The following PPARGC1A variants were observed in gnomAD, a reference collection of about 807,000 sequenced individuals.
PPARGC1A encodes PPARG coactivator 1 alpha, also known as peroxisome proliferator-activated receptor gamma coactivator 1-alpha.
A neutral mutation model predicts 88.7 loss-of-function variants in PPARGC1A; 25 were observed. The observed-to-expected ratio is 0.28, with a 90% CI of 0.21 to 0.39. The LOEUF is 0.39. Ranked by LOEUF, PPARGC1A falls within the 10% of genes least tolerant of loss-of-function variation. The probability of loss-of-function intolerance (pLI) is 1.00; values close to 1 mark genes in which losing one functional copy is unlikely to be tolerated. For missense variants in PPARGC1A, 880 were observed against 968.7 expected, an observed-to-expected ratio of 0.91 and a Z score of 1.22; for synonymous variants, 363 against 355.6, an observed-to-expected ratio of 1.02 and a Z score of -0.24.
At chr4:24,472,684 C>T in the PPARGC1A span, among the ~76,000 whole-genome samples, 2 of 151,888 alleles carry the variant, frequency 1.3e-5, no homozygotes, top group Admixed American at 6.6e-5. The surrounding 1 kb of genome is among the most constrained non-coding windows in gnomAD (Gnocchi z 4.5). Context: ...CCGCCGCCGC[C>T]GCCGCTGCCG....
chr4:23,916,938 G>A, the PPARGC1A span, among the ~76,000 whole-genome samples: 4 of 152,196 alleles, frequency 2.6e-5, no homozygotes, highest in South Asian at 2.1e-4. Flanking sequence ...CTGAACACAC[G>A]CAAAAACACA....
At chr4:23,952,642 A>G in the PPARGC1A span, among the ~76,000 whole-genome samples, 1 of 152,106 alleles carries the variant, frequency 6.6e-6, no homozygotes, top group Non-Finnish European at 1.5e-5. Context: ...AACTTGTATG[A>G]TTAAATTTGT....
chr4:23,967,405 G>T, the PPARGC1A span, among the ~76,000 whole-genome samples: 1 of 152,156 alleles, frequency 6.6e-6, no homozygotes, highest in Non-Finnish European at 1.5e-5. Context: ...TGGCTGCAAT[G>T]GCTCTGAGCA....
At chr4:24,011,604 T>C in the PPARGC1A span, among the ~76,000 whole-genome samples, 5 of 152,150 alleles carry the variant, frequency 3.3e-5, no homozygotes, top group Non-Finnish European at 7.3e-5. Context: ...TCCTAGATTT[T>C]CCTTCTCACC....
At chr4:23,980,144 C>A in the PPARGC1A span, among the ~76,000 whole-genome samples, 1 of 136,068 alleles carries the variant, frequency 7.3e-6, no homozygotes. Flanking sequence ...TTAATTTAGA[C>A]AGCATCAACT....
At chr4:23,849,219 G>A (rs1030327281) in intron 2 of PPARGC1A, among the ~76,000 whole-genome samples, 7 of 152,276 alleles carry the variant, frequency 4.6e-5, no homozygotes, top group South Asian at 2.1e-4. Context: ...AAAGAGCACC[G>A]TAATACATCA....
the PPARGC1A span, among the ~76,000 whole-genome samples, chr4:24,439,835 A>G: frequency 2.0e-5 from 3 of 152,226 alleles, no homozygotes. Context: ...TGGATTTACC[A>G]TGATTTTACT....
chr4:24,151,243 G>T, the PPARGC1A span, among the ~76,000 whole-genome samples: 4 of 152,198 alleles, frequency 2.6e-5, no homozygotes. Flanking sequence ...CTAAACAACA[G>T]AAATTTATTT....
At chr4:24,285,159 G>A in the PPARGC1A span, among the ~76,000 whole-genome samples, 1 of 152,232 alleles carries the variant, frequency 6.6e-6, no homozygotes, top group South Asian at 2.1e-4. Flanking sequence ...TTGGACACAA[G>A]AAGGAGATGC....
At chr4:24,101,479 T>G in the PPARGC1A span, among the ~76,000 whole-genome samples, 1 of 152,232 alleles carries the variant, frequency 6.6e-6, no homozygotes, top group South Asian at 2.1e-4. Context: ...ATCAGAAATG[T>G]TCTCCACATG....
At chr4:24,335,078 C>T in the PPARGC1A span, among the ~76,000 whole-genome samples, 7 of 152,172 alleles carry the variant, frequency 4.6e-5, no homozygotes, top group African/African-American at 9.7e-5. Flanking sequence ...AAACAACTAT[C>T]GCATTCGGAG....
the PPARGC1A span, among the ~76,000 whole-genome samples, chr4:24,107,837 C>T: frequency 6.6e-6 from 1 of 152,126 alleles, no homozygotes; most frequent in Non-Finnish European, 1.5e-5. Flanking sequence ...ATCATGGAAA[C>T]CCAGGGTGAT....
At chr4:24,074,802 A>G in the PPARGC1A span, among the ~76,000 whole-genome samples, 1 of 152,074 alleles carries the variant, frequency 6.6e-6, no homozygotes, top group Non-Finnish European at 1.5e-5. Flanking sequence ...TGTTCCCTAC[A>G]CCCTAACTCT....
At chr4:24,398,362 ATTCTTTTCAAAT>A in the PPARGC1A span, among the ~76,000 whole-genome samples, 5 of 152,206 alleles carry the variant, frequency 3.3e-5, no homozygotes, top group Non-Finnish European at 7.3e-5. Flanking sequence ...TGGCTCCATT[ATTCTTTTCAAAT>A]TTCTTACAAA....
the PPARGC1A span, among the ~76,000 whole-genome samples, chr4:24,289,825 C>T: frequency 1.3e-5 from 2 of 152,148 alleles, no homozygotes; most frequent in Admixed American, 1.3e-4. Flanking sequence ...CTGACTCCTC[C>T]TTTACCTTCT....
At chr4:23,856,749 A>G (rs560795940) in intron 2 of PPARGC1A, among the ~76,000 whole-genome samples, 1 of 152,208 alleles carries the variant, frequency 6.6e-6, no homozygotes, top group South Asian at 2.1e-4. Flanking sequence ...ACCTTTGATT[A>G]AAGGTACACA....
chr4:24,273,621 G>A, the PPARGC1A span, among the ~76,000 whole-genome samples: 1 of 151,870 alleles, frequency 6.6e-6, no homozygotes, highest in Non-Finnish European at 1.5e-5. Flanking sequence ...GGGCTGGTTA[G>A]AGACAAAAAC....
the PPARGC1A span, among the ~76,000 whole-genome samples, chr4:23,922,337 C>G: frequency 1.3e-5 from 2 of 152,304 alleles, no homozygotes; most frequent in South Asian, 2.1e-4. Flanking sequence ...GACAACTTCA[C>G]TTTCTTGCCA....
At chr4:24,238,463 A>C in the PPARGC1A span, among the ~76,000 whole-genome samples, 45 of 152,170 alleles carry the variant, frequency 3.0e-4, no homozygotes, top group Non-Finnish European at 5.4e-4. Context: ...GCTGAAAGCC[A>C]AATGAGATCA....
Sources: allele counts gnomAD v4.1 joint callset (sites outside exome capture counted in the v4.1 genomes callset), GRCh38; gene constraint gnomAD v4.1.1; non-coding constraint Gnocchi (gnomAD v3.1); transcripts MANE v1.5; gene names NCBI Gene and HGNC (gene_info 2026-07-23, HGNC 2026-07-21).